The following TLN2 variants were observed in gnomAD, a reference collection of about 807,000 sequenced individuals.
The protein encoded by TLN2 is talin-2.
A neutral mutation model predicts 294.7 loss-of-function variants in TLN2; 118 were observed. That is an observed-to-expected ratio of 0.40 (90% confidence interval 0.34 to 0.47). TLN2 has a LOEUF of 0.47. TLN2 is among the 20% of genes least tolerant of loss of function. The pLI, the probability that TLN2 is intolerant of heterozygous loss-of-function variation, is 0.84. For synonymous variants in TLN2, 1,431 were observed against 1,304.5 expected (o/e 1.10, Z -2.09); for missense variants, 3,083 against 3,282.2 (o/e 0.94, Z 1.48).
chr15:62,749,416 G>A (rs1169802851), intron 33 of TLN2, among the ~76,000 whole-genome samples: 1 of 152,214 alleles, frequency 6.6e-6, no homozygotes, highest in Non-Finnish European at 1.5e-5. Flanking sequence ...AGCTCTGTTG[G>A]CCTAGGTGCC....
intron 4 of TLN2, among the ~76,000 whole-genome samples, chr15:62,649,283 C>T (rs1489744801): frequency 2.0e-5 from 3 of 149,714 alleles, no homozygotes; most frequent in South Asian, 2.1e-4. Flanking sequence ...TGTTGTTTTT[C>T]TGTCGGATTT....
At chr15:62,560,488 A>T (rs1272746670) in intron 1 of TLN2, among the ~76,000 whole-genome samples, 1 of 152,120 alleles carries the variant, frequency 6.6e-6, no homozygotes, top group Non-Finnish European at 1.5e-5. Flanking sequence ...CACCATGCCC[A>T]GCTAATTTTT....
chr15:62,579,477 G>C (rs530639187), intron 1 of TLN2, among the ~76,000 whole-genome samples: 10 of 152,252 alleles, frequency 6.6e-5, no homozygotes, highest in African/African-American at 2.2e-4. Context: ...AAATGACCTC[G>C]TGTTCTTGTT....
chr15:62,601,664 C>T (rs1254315441), intron 2 of TLN2, among the ~76,000 whole-genome samples: 1 of 152,100 alleles, frequency 6.6e-6, no homozygotes, highest in African/African-American at 2.4e-5. Context: ...TCATTCCTAC[C>T]TTGTTTATAT....
At chr15:62,755,724 C>T in intron 37 of TLN2, 31 bp downstream of exon 37, 1 of 1,612,502 alleles carries the variant, frequency 6.2e-7, no homozygotes, top group Non-Finnish European at 8.5e-7. Context: ...CCTTATTGAA[C>T]TCTGTAACTC....
At chr15:62,735,950 A>G (rs2060985672) in intron 28 of TLN2, among the ~76,000 whole-genome samples, 1 of 152,244 alleles carries the variant, frequency 6.6e-6, no homozygotes, top group Non-Finnish European at 1.5e-5. Context: ...ATCTCACAGC[A>G]TTATGGTCAG....
chr15:62,763,247 A>G (rs1487982885), intron 39 of TLN2: 1 of 191,650 alleles, frequency 5.2e-6, no homozygotes, highest in Non-Finnish European at 1.0e-5. Context: ...TTTGAGTAAA[A>G]GTCCTGTGCT....
intron 1 of TLN2, among the ~76,000 whole-genome samples, chr15:62,549,134 G>A (rs1312461028): frequency 1.3e-5 from 2 of 151,976 alleles, no homozygotes; most frequent in East Asian, 3.9e-4. Context: ...GAGACCCTAC[G>A]GAGTGTAAAA....
At chr15:62,606,712 A>G (rs1445221887) in intron 2 of TLN2, among the ~76,000 whole-genome samples, 1 of 152,228 alleles carries the variant, frequency 6.6e-6, no homozygotes, top group African/African-American at 2.4e-5. Flanking sequence ...ACAATACTTC[A>G]AATAGAAGGC....
At chr15:62,735,595 G>A (rs2060968118) in intron 28 of TLN2, among the ~76,000 whole-genome samples, 1 of 152,230 alleles carries the variant, frequency 6.6e-6, no homozygotes, top group South Asian at 2.1e-4. Flanking sequence ...TGTTGGCTAG[G>A]ATGTAGAGCA....
intron 1 of TLN2, among the ~76,000 whole-genome samples, chr15:62,578,322 T>G (rs777389190): frequency 2.0e-5 from 3 of 152,156 alleles, no homozygotes; most frequent in Admixed American, 6.5e-5. Context: ...ATCTCAGCAC[T>G]TTGGAAGGCT....
chr15:62,724,339 C>G (rs536573916), intron 26 of TLN2, among the ~76,000 whole-genome samples: 1 of 152,198 alleles, frequency 6.6e-6, no homozygotes, highest in African/African-American at 2.4e-5. Context: ...TGAAAATGTA[C>G]CAGTATTTAG....
chr15:62,405,493 T>C (rs887321054), intron 1 of TLN2, among the ~76,000 whole-genome samples: 2 of 152,238 alleles, frequency 1.3e-5, no homozygotes, highest in Non-Finnish European at 1.5e-5. Flanking sequence ...TAGGGCTCCA[T>C]TTAAAATGCA....
At chr15:62,567,546 G>A (rs2043507540) in intron 1 of TLN2, among the ~76,000 whole-genome samples, 1 of 152,196 alleles carries the variant, frequency 6.6e-6, no homozygotes, top group Admixed American at 6.5e-5. Flanking sequence ...GAAAGAATGA[G>A]GGGACCAGCC....
At position 62,716,315 on chromosome 15, in the gene TLN2, AT is replaced by A; in HGVS notation, c.2635-11del. On this transcript the variant is annotated splice_polypyrimidine_tract_variant and intron_variant, in intron 22 of 58. Coordinates refer to ENST00000636159, the MANE Select transcript of TLN2 (RefSeq NM_015059.3). ...TCCTGCTGGACCACTTGAAATCTTT[AT>A]TTTTGCCTTTGCAGGGGGCTGCAGC... 1 of 1,574,684 alleles carries A rather than the reference AT, an allele frequency of 6.4e-7. No homozygotes were observed. Among genetic ancestry groups the A allele is most frequent in the Non-Finnish European group, 8.6e-7 (1 of 1,165,740 alleles).
At chr15:62,778,139 C>A (rs1041663943) in intron 43 of TLN2, among the ~76,000 whole-genome samples, 1 of 152,170 alleles carries the variant, frequency 6.6e-6, no homozygotes. Flanking sequence ...GAATAATTAT[C>A]CTTAGGCATT....
intron 52 of TLN2, among the ~76,000 whole-genome samples, chr15:62,810,366 G>A (rs982942524): frequency 3.3e-5 from 5 of 152,298 alleles, no homozygotes; most frequent in African/African-American, 1.2e-4. Context: ...GTATCAGGAG[G>A]TCTTGTTAGG....
At chr15:62,423,963 A>G (rs2034560305) in intron 1 of TLN2, among the ~76,000 whole-genome samples, 2 of 152,154 alleles carry the variant, frequency 1.3e-5, no homozygotes, top group Non-Finnish European at 2.9e-5. Flanking sequence ...TCAAAGGCTG[A>G]CTAATGTTAA....
intron 46 of TLN2, among the ~76,000 whole-genome samples, chr15:62,794,150 G>A (rs2065285106): frequency 6.6e-6 from 1 of 152,206 alleles, no homozygotes; most frequent in Non-Finnish European, 1.5e-5. Context: ...TGTAGGCATG[G>A]CCAAGCAGCT....
Sources: allele counts gnomAD v4.1 joint callset (sites outside exome capture counted in the v4.1 genomes callset), GRCh38; gene constraint gnomAD v4.1.1; transcripts MANE v1.5; gene names NCBI Gene and HGNC (gene_info 2026-07-23, HGNC 2026-07-21).